The following ESRRB variants were observed in gnomAD, a reference collection of about 807,000 sequenced individuals.
ESRRB encodes estrogen related receptor beta.
A neutral mutation model predicts 46.0 loss-of-function variants in ESRRB; 16 were observed. That is an observed-to-expected ratio of 0.35 (90% CI 0.24 to 0.53). The LOEUF is 0.53. ESRRB is among the 20% of genes least tolerant of loss of function. The probability of loss-of-function intolerance (pLI) is 0.93; values close to 1 mark genes in which losing one functional copy is unlikely to be tolerated. For synonymous variants in ESRRB, 246 were observed against 259.6 expected, an observed-to-expected ratio of 0.95 and a Z score of 0.50; for missense variants, 488 against 607.4, an observed-to-expected ratio of 0.80 and a Z score of 2.07.
chr14:76,322,412 T>C (rs928877288), intron 1 of ESRRB, among the ~76,000 whole-genome samples: 4 of 152,142 alleles, frequency 2.6e-5, no homozygotes, highest in African/African-American at 7.2e-5. Context: ...CGCCAGGAGC[T>C]CTTTCCGAAA....
chr14:76,334,951 C>T (rs1237857191), intron 1 of ESRRB, among the ~76,000 whole-genome samples: 4 of 152,104 alleles, frequency 2.6e-5, no homozygotes, highest in Non-Finnish European at 4.4e-5. Flanking sequence ...CTCCTAGGCC[C>T]GAGGTGACTC....
At chr14:76,428,035 G>A (rs1003958194) in intron 1 of ESRRB, among the ~76,000 whole-genome samples, 1 of 152,182 alleles carries the variant, frequency 6.6e-6, no homozygotes, top group Non-Finnish European at 1.5e-5. Context: ...TTTTGATCCT[G>A]TTGCCCAGGC....
chr14:76,425,014 A>G (rs1887137052), intron 1 of ESRRB, among the ~76,000 whole-genome samples: 1 of 152,086 alleles, frequency 6.6e-6, no homozygotes, highest in South Asian at 2.1e-4. Flanking sequence ...CACACCTGTA[A>G]ATCCCATTAT....
At chr14:76,383,401 T>C (rs1312399782) in intron 1 of ESRRB, among the ~76,000 whole-genome samples, 1 of 152,028 alleles carries the variant, frequency 6.6e-6, no homozygotes, top group Non-Finnish European at 1.5e-5. Flanking sequence ...TGATAAAGGG[T>C]CTTTGAGAAT....
chr14:76,399,941 C>T (rs1176864605), intron 1 of ESRRB, among the ~76,000 whole-genome samples: 2 of 152,172 alleles, frequency 1.3e-5, no homozygotes. Context: ...TAATTGTGGC[C>T]GTCTCAGGTC....
At chr14:76,453,145 G>C (rs549082760) in intron 2 of ESRRB, among the ~76,000 whole-genome samples, 1 of 152,324 alleles carries the variant, frequency 6.6e-6, no homozygotes, top group Admixed American at 6.5e-5. Context: ...ACTGGTGTTC[G>C]AGAGAAAGCT....
At chr14:76,440,948 T>C (rs1410000860) in intron 2 of ESRRB, among the ~76,000 whole-genome samples, 2 of 152,142 alleles carry the variant, frequency 1.3e-5, no homozygotes, top group African/African-American at 4.8e-5. Context: ...CTAGGGAGGC[T>C]GAGACAGGAG....
chr14:76,321,493 G>A (rs1010862671), intron 1 of ESRRB, among the ~76,000 whole-genome samples: 1 of 152,150 alleles, frequency 6.6e-6, no homozygotes, highest in African/African-American at 2.4e-5. Flanking sequence ...GTGAAAGATT[G>A]TATGTTTTCA....
chr14:76,407,498 A>G lies in ESRRB; in HGVS notation c.50+31047A>G, dbSNP rs1461468921. 4 of 974,684 alleles carry G rather than the reference A, an allele frequency of 4.1e-6. No individual in the cohort carries two copies. The African/African-American group carries it at 5.3e-5, about 13-fold the overall frequency. 60.4% of individuals were successfully genotyped at this position (974,684 alleles called of 1,614,324 possible). A position where few individuals can be genotyped will look rare whatever the true frequency, so the allele number is the denominator to read the frequency against. On this transcript the variant is annotated intron_variant, in intron 1 of 6. Coordinates refer to ENST00000644823, the MANE Select transcript of ESRRB (RefSeq NM_001379180.1). Reference sequence around the variant, plus strand: ...TTTGGTTTAGGGACCAGAGTCTGGTATCTAAGTGCGATCTTACTCTAGCTT... The same window carrying G: ...TTTGGTTTAGGGACCAGAGTCTGGTGTCTAAGTGCGATCTTACTCTAGCTT...
chr14:76,480,629 G>C (rs950513116), intron 3 of ESRRB, among the ~76,000 whole-genome samples: 1 of 152,142 alleles, frequency 6.6e-6, no homozygotes, highest in Non-Finnish European at 1.5e-5. Context: ...ACTTCCCCTT[G>C]CCTGTTCTGG....
chr14:76,348,388 G>A (rs770306598), intron 1 of ESRRB, among the ~76,000 whole-genome samples: 10 of 152,222 alleles, frequency 6.6e-5, no homozygotes, highest in African/African-American at 9.6e-5. Flanking sequence ...TATTGTTTCC[G>A]TCATACCCAC....
At chr14:76,488,490 C>A (rs969623803) in intron 5 of ESRRB, among the ~76,000 whole-genome samples, 17 of 152,320 alleles carry the variant, frequency 1.1e-4, no homozygotes, top group African/African-American at 2.4e-4. Flanking sequence ...TAACCCTGAA[C>A]CTGAGTCCAA....
At chr14:76,494,614 T>A (rs1308042918) in intron 6 of ESRRB, among the ~76,000 whole-genome samples, 1 of 152,144 alleles carries the variant, frequency 6.6e-6, no homozygotes, top group Non-Finnish European at 1.5e-5. Context: ...GCCGACTGTG[T>A]TGTATTGTTC....
At chr14:76,315,613 T>C (rs1883790758) in intron 1 of ESRRB, among the ~76,000 whole-genome samples, 2 of 152,218 alleles carry the variant, frequency 1.3e-5, no homozygotes, top group Non-Finnish European at 2.9e-5. Flanking sequence ...CTGGGCCCAA[T>C]AGGTGTTGAC....
At chr14:76,324,054 C>T (rs930136874) in intron 1 of ESRRB, among the ~76,000 whole-genome samples, 1 of 152,104 alleles carries the variant, frequency 6.6e-6, no homozygotes, top group South Asian at 2.1e-4. Flanking sequence ...GTCGGAGTCT[C>T]CAGGGGCAGA....
intron 2 of ESRRB, among the ~76,000 whole-genome samples, chr14:76,455,931 C>A (rs1481056199): frequency 6.6e-6 from 1 of 151,764 alleles, no homozygotes; most frequent in Non-Finnish European, 1.5e-5. Context: ...GTAATCCCAG[C>A]TACTCAGGAG....
chr14:76,321,381 A>G (rs1883865489), intron 1 of ESRRB, among the ~76,000 whole-genome samples: 2 of 152,046 alleles, frequency 1.3e-5, no homozygotes, highest in Admixed American at 1.3e-4. Flanking sequence ...GTCCCCTAAA[A>G]TCTCGTATTT....
intron 1 of ESRRB, among the ~76,000 whole-genome samples, chr14:76,401,045 G>A (rs1885921457): frequency 6.6e-6 from 1 of 152,196 alleles, no homozygotes; most frequent in African/African-American, 2.4e-5. Context: ...CCCCGGGTGT[G>A]ATCACAGCTC....
intron 1 of ESRRB, among the ~76,000 whole-genome samples, chr14:76,414,504 C>G (rs1256460045): frequency 6.6e-6 from 1 of 151,402 alleles, no homozygotes; most frequent in Non-Finnish European, 1.5e-5. Context: ...CTCCCCAGCT[C>G]AGTCCCCTGT....
Sources: gnomAD v4.1 joint callset for allele counts (sites outside exome capture counted in the v4.1 genomes callset) on GRCh38, gnomAD v4.1.1 for gene constraint, MANE v1.5 for transcripts, NCBI Gene and HGNC (gene_info 2026-07-23, HGNC 2026-07-21) for gene names.